NBAS: variants seen among roughly 807,000 people sequenced by gnomAD.
The protein encoded by NBAS is NAG/BC035112 fusion.
Under a neutral mutation model 302.5 loss-of-function variants are expected in NBAS, and 219 were observed. That is an observed-to-expected ratio of 0.72 (90% CI 0.65 to 0.81). NBAS has a LOEUF of 0.81. Among genes scored for constraint, NBAS ranks in the 30% least tolerant of loss-of-function variants. NBAS has a pLI of 0.00. For missense variants in NBAS, 2,932 were observed against 2,841.6 expected (o/e 1.03, Z -0.72); for synonymous variants, 1,118 against 1,021.6 (o/e 1.09, Z -1.80).
At chr2:15,429,865 A>G (rs1050294498) in intron 21 of NBAS, among the ~76,000 whole-genome samples, 7 of 152,212 alleles carry the variant, frequency 4.6e-5, no homozygotes, top group Admixed American at 1.3e-4. Flanking sequence ...ATAAAAAACT[A>G]TTTTATTTTC....
chr2:15,251,091 A>T (rs1328848566), intron 44 of NBAS, among the ~76,000 whole-genome samples: 1 of 152,190 alleles, frequency 6.6e-6, no homozygotes, highest in Non-Finnish European at 1.5e-5. Flanking sequence ...AGATAAAGAA[A>T]ATGTGGCACA....
the NBAS span, among the ~76,000 whole-genome samples, chr2:15,051,145 C>T: frequency 4.6e-5 from 7 of 152,188 alleles, no homozygotes; most frequent in African/African-American, 1.2e-4. Flanking sequence ...ATGCACTCAA[C>T]GATTATTTGG....
the NBAS span, among the ~76,000 whole-genome samples, chr2:14,982,280 A>T: frequency 2.6e-5 from 4 of 152,344 alleles, no homozygotes; most frequent in African/African-American, 9.6e-5. Flanking sequence ...ATGACTGCAG[A>T]CGTGCCAGCA....
chr2:14,977,617 G>T, the NBAS span, among the ~76,000 whole-genome samples: 1 of 152,158 alleles, frequency 6.6e-6, no homozygotes, highest in Non-Finnish European at 1.5e-5. Flanking sequence ...ATAACCAAGG[G>T]TTCAAATGAA....
At chr2:14,876,211 C>T in the NBAS span, among the ~76,000 whole-genome samples, 1 of 152,054 alleles carries the variant, frequency 6.6e-6, no homozygotes, top group African/African-American at 2.4e-5. Context: ...ATAACAATAG[C>T]CTTTACTTTT....
the NBAS span, among the ~76,000 whole-genome samples, chr2:14,997,818 A>G: frequency 6.6e-6 from 1 of 152,056 alleles, no homozygotes; most frequent in East Asian, 1.9e-4. Context: ...CTCTGCTTCC[A>G]TAAGTTTGAT....
the NBAS span, among the ~76,000 whole-genome samples, chr2:15,105,232 G>A: frequency 1.3e-5 from 2 of 152,012 alleles, no homozygotes; most frequent in African/African-American, 4.8e-5. Flanking sequence ...CACAGGGAGG[G>A]GACTATCAAA....
chr2:15,372,323 C>T (rs1045123509), intron 31 of NBAS, among the ~76,000 whole-genome samples: 7 of 152,140 alleles, frequency 4.6e-5, no homozygotes, highest in Admixed American at 1.3e-4. Flanking sequence ...TTTTTACATG[C>T]GACTTCTGTT....
At chr2:15,149,435 T>C in the NBAS span, among the ~76,000 whole-genome samples, 5 of 152,248 alleles carry the variant, frequency 3.3e-5, no homozygotes, top group Admixed American at 3.3e-4. Context: ...TATTATTTTA[T>C]AGTAACCTCT....
At chr2:14,874,256 T>G in the NBAS span, among the ~76,000 whole-genome samples, 16 of 152,134 alleles carry the variant, frequency 1.1e-4, no homozygotes, top group South Asian at 4.1e-4. Context: ...CTACATATGT[T>G]TTTCCAAAAC....
At chr2:15,455,425 G>GA (rs546097125) in intron 21 of NBAS, among the ~76,000 whole-genome samples, 218 of 151,616 alleles carry the variant, frequency 1.4e-3, no homozygotes, top group African/African-American at 4.9e-3. Context: ...ATAAGAAGAA[G>GA]AAAAAAAACC....
At chr2:14,976,560 T>TTA in the NBAS span, among the ~76,000 whole-genome samples, 2 of 152,234 alleles carry the variant, frequency 1.3e-5, no homozygotes, top group African/African-American at 4.8e-5. Flanking sequence ...AAGTGTATTC[T>TTA]AGGCCCACCT....
chr2:15,086,498 C>T, the NBAS span, among the ~76,000 whole-genome samples: 1 of 152,190 alleles, frequency 6.6e-6, no homozygotes, highest in Non-Finnish European at 1.5e-5. Flanking sequence ...GAGACATGCC[C>T]CTTGCTTGCC....
rs1553334457 is a variant in NBAS, at chr2:15,535,551, T to TAAATAAATAAATAAATAAAC, written c.647+866_647+867insGTTTATTTATTTATTTATTT. ...ATAAATAAATAAATAAATAAATAAA[T>TAAATAAATAAATAAATAAAC]AAATAAATAAATAAAAATAAAAAAA... is the stretch of plus-strand genomic sequence containing the variant. On this transcript the variant is annotated intron_variant, in intron 8 of 51. Coordinates refer to ENST00000281513, the MANE Select transcript of NBAS (RefSeq NM_015909.4). Among the ~76,000 whole-genome samples the TAAATAAATAAATAAATAAAC allele has an allele frequency of 8.3e-3, 1,228 of 147,840 alleles. 22 individuals are homozygous for TAAATAAATAAATAAATAAAC. Among genetic ancestry groups the TAAATAAATAAATAAATAAAC allele is most frequent in the African/African-American group, 0.029 (1,138 of 39,682 alleles).
At chr2:15,259,926 C>G (rs2148012080) in intron 44 of NBAS, among the ~76,000 whole-genome samples, 1 of 143,370 alleles carries the variant, frequency 7.0e-6, no homozygotes, top group Middle Eastern at 3.4e-3. Flanking sequence ...GAAAATCTGT[C>G]TTTACTGCCT....
At chr2:15,389,084 C>T (rs1675459652) in intron 28 of NBAS, among the ~76,000 whole-genome samples, 1 of 152,158 alleles carries the variant, frequency 6.6e-6, no homozygotes. Flanking sequence ...CTGAGGACTT[C>T]CACTGCCAAA....
At chr2:15,366,902 A>G (rs1292178968) in intron 31 of NBAS, among the ~76,000 whole-genome samples, 1 of 152,230 alleles carries the variant, frequency 6.6e-6, no homozygotes, top group East Asian at 1.9e-4. Context: ...TCTTTTCTTC[A>G]TAACCAAACT....
chr2:14,909,319 CAA>C, the NBAS span, among the ~76,000 whole-genome samples: 15 of 46,706 alleles, frequency 3.2e-4, no homozygotes, highest in East Asian at 5.8e-4. Context: ...GACTCCGTCT[CAA>C]AAAAAAAAAA....
chr2:15,067,383 A>G, the NBAS span, among the ~76,000 whole-genome samples: 19 of 60,862 alleles, frequency 3.1e-4, no homozygotes, highest in East Asian at 7.6e-3. Context: ...AGGAGAGGAG[A>G]GGAGGGGAGG....
Sources: gnomAD v4.1 joint callset for allele counts (sites outside exome capture counted in the v4.1 genomes callset) on GRCh38, gnomAD v4.1.1 for gene constraint, MANE v1.5 for transcripts, NCBI Gene and HGNC (gene_info 2026-07-23, HGNC 2026-07-21) for gene names.